Variants in TENM3 observed in about 807,000 individuals in gnomAD.
TENM3 encodes the protein teneurin transmembrane protein 3, also known as teneurin-3.
Under a neutral mutation model 255.1 loss-of-function variants are expected in TENM3, and 63 were observed. That is an observed-to-expected ratio of 0.25 (90% CI 0.20 to 0.30). The LOEUF is 0.30. Among genes scored for constraint, TENM3 ranks in the 10% least tolerant of loss-of-function variants. TENM3 has a pLI of 1.00. For missense variants in TENM3, 2,929 were observed against 3,461.1 expected (o/e 0.85, Z 3.86); for synonymous variants, 1,306 against 1,322.3 (o/e 0.99, Z 0.27).
At chr4:182,595,184 G>A (rs550505290) in intron 3 of TENM3, among the ~76,000 whole-genome samples, 19 of 152,074 alleles carry the variant, frequency 1.2e-4, no homozygotes, top group South Asian at 4.1e-4. Flanking sequence ...TCTCAATGGC[G>A]CCTCTCACCA....
At chr4:182,109,681 C>A in the TENM3 span, among the ~76,000 whole-genome samples, 15 of 152,210 alleles carry the variant, frequency 9.9e-5, no homozygotes. Flanking sequence ...GGATGCCATA[C>A]TGAGGTCCGA....
chr4:181,450,228 T>A, the TENM3 span, among the ~76,000 whole-genome samples: 1 of 152,190 alleles, frequency 6.6e-6, no homozygotes, highest in Admixed American at 6.5e-5. Flanking sequence ...TATAATCAAA[T>A]GTGTCATTTT....
chr4:181,910,944 A>G, the TENM3 span, among the ~76,000 whole-genome samples: 9 of 152,016 alleles, frequency 5.9e-5, no homozygotes, highest in Non-Finnish European at 1.2e-4. Flanking sequence ...GTTGTTTGCT[A>G]TTATCAATGT....
chr4:182,419,609 T>C (rs1770653662), intron 3 of TENM3, among the ~76,000 whole-genome samples: 1 of 152,142 alleles, frequency 6.6e-6, no homozygotes, highest in Non-Finnish European at 1.5e-5. Flanking sequence ...AGCAAAGACT[T>C]GGAACCAACC....
chr4:182,204,365 G>A (rs1754410608), intron 1 of TENM3, among the ~76,000 whole-genome samples: 1 of 152,186 alleles, frequency 6.6e-6, no homozygotes, highest in Non-Finnish European at 1.5e-5. Context: ...TTGAAAACCT[G>A]TGAAAACGTT....
At chr4:181,525,397 A>C in the TENM3 span, among the ~76,000 whole-genome samples, 1 of 19,268 alleles carries the variant, frequency 5.2e-5, no homozygotes, top group Admixed American at 6.0e-4. Context: ...ACCCTGTTTC[A>C]AAAAAAAAAA....
chr4:182,082,285 A>C, the TENM3 span, among the ~76,000 whole-genome samples: 1 of 151,982 alleles, frequency 6.6e-6, no homozygotes, highest in African/African-American at 2.4e-5. Context: ...GCTCTCTAGG[A>C]TCTCTTTTAT....
chr4:181,881,918 A>G, the TENM3 span, among the ~76,000 whole-genome samples: 1 of 152,198 alleles, frequency 6.6e-6, no homozygotes, highest in Non-Finnish European at 1.5e-5. Flanking sequence ...AGTCTTCTCA[A>G]TTAGAATTAT....
chr4:182,566,164 A>G (rs1743772930), intron 3 of TENM3, among the ~76,000 whole-genome samples: 1 of 152,178 alleles, frequency 6.6e-6, no homozygotes, highest in Admixed American at 6.5e-5. Context: ...CTTGGCCTTC[A>G]TACAGGTTTG....
chr4:182,250,977 A>G (rs1413191444), intron 1 of TENM3, among the ~76,000 whole-genome samples: 2 of 152,222 alleles, frequency 1.3e-5, no homozygotes, highest in Non-Finnish European at 1.5e-5. Flanking sequence ...TTTCTTAACT[A>G]TCTAAAGGCT....
At chr4:182,103,735 A>G in the TENM3 span, among the ~76,000 whole-genome samples, 1 of 152,204 alleles carries the variant, frequency 6.6e-6, no homozygotes, top group Non-Finnish European at 1.5e-5. Context: ...GGCTGTGTTT[A>G]AACCATTATG....
At chr4:181,612,564 C>A in the TENM3 span, among the ~76,000 whole-genome samples, 16 of 151,446 alleles carry the variant, frequency 1.1e-4, no homozygotes, top group Non-Finnish European at 1.8e-4. Context: ...TTCTTCATTG[C>A]CAGTATGGTC....
chr4:181,550,862 G>A, the TENM3 span, among the ~76,000 whole-genome samples: 2 of 152,140 alleles, frequency 1.3e-5, no homozygotes, highest in Admixed American at 1.3e-4. Context: ...GATCTATCAG[G>A]CACAAAGTCC....
chr4:182,539,646 C>T (rs1040727605), intron 3 of TENM3, among the ~76,000 whole-genome samples: 7 of 152,302 alleles, frequency 4.6e-5, no homozygotes, highest in South Asian at 4.1e-4. Context: ...ATTAAATTTT[C>T]GTACAGCATT....
At chr4:181,713,316 C>T in the TENM3 span, among the ~76,000 whole-genome samples, 24 of 152,156 alleles carry the variant, frequency 1.6e-4, no homozygotes, top group Non-Finnish European at 2.6e-4. Flanking sequence ...AGTTAGACCA[C>T]GAAAAGGTTC....
chr4:182,738,417 G>C lies in TENM3; in HGVS notation c.3252G>C (p.Glu1084Asp). ...LSEAVVSVGY[E>D]YESCLDLTLW... Reference sequence around the variant, plus strand: ...GGATTCCAGTGTCAGTTGGATATGAGTATGAGTCGTGTTTGGACCTGACTC... The same window carrying C: ...GGATTCCAGTGTCAGTTGGATATGACTATGAGTCGTGTTTGGACCTGACTC... The change falls in exon 18 of 28, where the codon GAG (glutamate) becomes GAC (aspartate). Residue 1084 changes from glutamate to aspartate, a missense_variant. Physicochemically the swap from Glu to Asp is conservative, Grantham distance 45. Coordinates refer to ENST00000511685, the MANE Select transcript of TENM3 (RefSeq NM_001080477.4). 6.2e-7 allele frequency: 1 copy of C among 1,611,944 alleles called. No homozygotes were observed. Among genetic ancestry groups the C allele is most frequent in the Non-Finnish European group, 8.5e-7 (1 of 1,178,998 alleles).
chr4:182,030,000 C>CTTT, the TENM3 span, among the ~76,000 whole-genome samples: 5 of 83,444 alleles, frequency 6.0e-5, no homozygotes, highest in African/African-American at 2.3e-4. Flanking sequence ...CATCTCTCTC[C>CTTT]TTTTTTTCTT....
the TENM3 span, among the ~76,000 whole-genome samples, chr4:181,450,620 A>C: frequency 6.6e-6 from 1 of 152,216 alleles, no homozygotes; most frequent in East Asian, 1.9e-4. Context: ...TGACTTGTTC[A>C]GATGACACCA....
intron 24 of TENM3, among the ~76,000 whole-genome samples, chr4:182,783,038 G>A (rs1322083154): frequency 2.7e-5 from 4 of 149,584 alleles, no homozygotes; most frequent in African/African-American, 9.8e-5. Flanking sequence ...TTTAATTGGA[G>A]CATTTAGTCC....
Sources: allele counts gnomAD v4.1 joint callset (sites outside exome capture counted in the v4.1 genomes callset), GRCh38; gene constraint gnomAD v4.1.1; transcripts MANE v1.5; gene names NCBI Gene and HGNC (gene_info 2026-07-23, HGNC 2026-07-21).